COL12A1: variants seen among roughly 807,000 people sequenced by gnomAD.
COL12A1 encodes the protein collagen alpha-1(XII) chain.
In COL12A1, 114 loss-of-function variants were observed where a neutral mutation model predicts 349.7. The observed-to-expected ratio is 0.33, with a 90% CI of 0.28 to 0.38. The LOEUF (loss-of-function observed/expected upper bound fraction) is 0.38, where lower values mean the gene tolerates loss of function less well. Ranked by LOEUF, COL12A1 falls within the 10% of genes least tolerant of loss-of-function variation. The pLI is 1.00. For missense variants in COL12A1, 3,284 were observed against 3,756.9 expected (o/e 0.87, Z 3.29); for synonymous variants, 1,369 against 1,329.0 (o/e 1.03, Z -0.66).
chr6:75,193,845 C>T (rs1290352891), intron 3 of COL12A1, among the ~76,000 whole-genome samples: 1 of 151,726 alleles, frequency 6.6e-6, no homozygotes, highest in African/African-American at 2.4e-5. Context: ...TTTGTCTTTG[C>T]AACAGTTTGC....
chr6:75,131,984 G>T lies in COL12A1; in HGVS notation c.5893C>A (p.Arg1965Ser), dbSNP rs200487396. ...CCATCCACAGGAGAATACACAACGC[G>T]ATATTGCAGCACAGGTCCTGGAGCA... ...DPAPGPVLQY[R>S]VVYSPVDGTR... The change falls in exon 35 of 66, where the codon CGC becomes AGC. Residue 1965 changes from arginine (R) to serine (S), a missense_variant. Transcript: ENST00000322507. 1 of 1,614,114 alleles carries T rather than the reference G, an allele frequency of 6.2e-7. No homozygotes were observed. Among genetic ancestry groups the T allele is most frequent in the Non-Finnish European group, 8.5e-7 (1 of 1,179,994 alleles).
intron 55 of COL12A1, among the ~76,000 whole-genome samples, chr6:75,103,288 T>C (rs977813122): frequency 4.6e-5 from 7 of 152,226 alleles, no homozygotes; most frequent in African/African-American, 1.4e-4. Flanking sequence ...AATATTCCCC[T>C]GAGAAGCTTG....
intron 2 of COL12A1, among the ~76,000 whole-genome samples, chr6:75,202,153 C>A (rs1562334280): frequency 1.3e-5 from 2 of 152,242 alleles, no homozygotes; most frequent in African/African-American, 4.8e-5. Flanking sequence ...CGCTTGCCTG[C>A]CATCATCCCC....
In COL12A1 at chr6:75,113,602, G is replaced by A. The variant is rs772870762; in HGVS notation, c.7840C>T (p.Pro2614Ser). Residue 2614 changes from proline to serine, a missense_variant and splice_region_variant, in exon 50 of 66, where the codon CCT (proline) becomes TCT (serine). Pro to Ser is a moderately conservative substitution (Grantham distance 74). This residue lies in a region of COL12A1 where 683 missense variants were observed against 932.1 expected (regional missense o/e 0.73). Coordinates refer to ENST00000322507, the MANE Select transcript of COL12A1 (RefSeq NM_004370.6). ...TGTGCCTTAAGATAAAAATTCTTAC[G>A]ATCTGCAATCACTCCAACTTGTGGT... is the stretch of plus-strand genomic sequence containing the variant. Reference protein sequence around the residue: ...YKPQVGVIADPSSKTLSFFNK... With the variant: ...YKPQVGVIADSSSKTLSFFNK... The A allele has an allele frequency of 8.1e-6, 13 of 1,600,396 alleles. No individual in the cohort carries two copies. Among genetic ancestry groups the A allele is most frequent in the East Asian group, 2.2e-5 (1 of 44,716 alleles).
intron 27 of COL12A1, among the ~76,000 whole-genome samples, chr6:75,141,279 A>G (rs1766878824): frequency 6.6e-6 from 1 of 152,210 alleles, no homozygotes; most frequent in Non-Finnish European, 1.5e-5. Context: ...CTGGAGACAC[A>G]AAGTTGAGCA....
chr6:75,152,525 T>A (rs1364713882), intron 17 of COL12A1, 43 bp from the exon 18 acceptor site: 1 of 1,609,936 alleles, frequency 6.2e-7, no homozygotes, highest in Admixed American at 1.7e-5. Context: ...AAGCAAATTG[T>A]TGGCAAGGGT....
rs778135297 is a variant in COL12A1 at position 75,156,331 on chromosome 6, G to T, written c.3176C>A (p.Thr1059Asn). 2 of 1,613,758 alleles carry T rather than the reference G, an allele frequency of 1.2e-6. No homozygotes were observed. The highest frequency in any genetic ancestry group is 2.7e-5 in the African/African-American group (2 of 74,860). Residue 1059 changes from threonine to asparagine, a missense_variant, in exon 15 of 66, where the codon ACC becomes AAC. Around this residue, in one of 2 missense-constraint regions of COL12A1, gnomAD observed 2,601 missense variants for 2,824.8 expected, o/e 0.92. Coordinates refer to ENST00000322507, the MANE Select transcript of COL12A1 (RefSeq NM_004370.6). ...AGGAAGAACTGTGATGTCATATGTG[G>T]TCTGTGGCTGAAGTCGCTTTAACAC... is the stretch of plus-strand genomic sequence containing the variant. ...STVLKRLQPQTTYDITVLPIY... is the reference protein window; with the variant it reads ...STVLKRLQPQNTYDITVLPIY...
chr6:75,176,556 C>T (rs1408806363), intron 12 of COL12A1, among the ~76,000 whole-genome samples: 1 of 151,992 alleles, frequency 6.6e-6, no homozygotes, highest in Admixed American at 6.6e-5. Flanking sequence ...AAGGGTGATG[C>T]AGACCAAGAG....
chr6:75,154,362 T>C lies in COL12A1; in HGVS notation c.3565+54A>G, dbSNP rs932691901. On this transcript the variant is annotated intron_variant, in intron 17 of 65. Coordinates refer to ENST00000322507, the MANE Select transcript of COL12A1 (RefSeq NM_004370.6). The stretch of plus-strand genomic sequence containing the variant: ...TTGTATGATACCCTAACAGTTCACA[T>C]TTGAAATAGTTTCCTAAGTTGTTTT... 6.3e-6 allele frequency: 10 copies of C among 1,584,174 alleles called. No homozygotes were observed. The African/African-American group carries it at 1.4e-4, about 21-fold the overall frequency.
In COL12A1 at chr6:75,147,752, T is replaced by C. The variant is rs753218601; in HGVS notation, c.4340A>G (p.Glu1447Gly). 4 of 1,613,640 alleles carry C rather than the reference T, an allele frequency of 2.5e-6. No individual in the cohort carries two copies. The highest frequency in any genetic ancestry group is 1.7e-6 in the Non-Finnish European group (2 of 1,179,644). The change falls in exon 23 of 66, where the codon GAA becomes GGA. Residue 1447 changes from glutamate (E) to glycine (G), a missense_variant. By Grantham distance (98) the Glu-to-Gly change is moderately conservative. This residue lies in a region of COL12A1 where 2,601 missense variants were observed against 2,824.8 expected (regional missense o/e 0.92). Transcript: ENST00000322507. ...TSTVLKDLKP[E>G]TEYVVNVYSV... ...ATACACATTGACAACATATTCAGTT[T>C]CAGGTTTCAGATCTTTCAGCACTGT... is the stretch of plus-strand genomic sequence containing the variant.
intron 58 of COL12A1, 45 bp from the exon 59 acceptor site, chr6:75,097,351 A>C (rs749595244): frequency 1.3e-6 from 2 of 1,524,898 alleles, no homozygotes; most frequent in Middle Eastern, 1.7e-4. Flanking sequence ...GGTCATAAGC[A>C]AGTGAAAAGA....
At chr6:75,102,480 G>T in intron 56 of COL12A1, 117 bp downstream of exon 56, 1 of 696,210 alleles carries the variant, frequency 1.4e-6, no homozygotes, top group African/African-American at 1.9e-5. Flanking sequence ...CTATCTCGGT[G>T]ACTAACCTCG....
rs1769438919 is a variant in COL12A1 at position 75,183,493 on chromosome 6, T to C, written c.1448A>G (p.Gln483Arg). 1.9e-6 allele frequency: 3 copies of C among 1,614,074 alleles called. No homozygotes were observed. The highest frequency in any genetic ancestry group is 1.1e-5 in the South Asian group (1 of 91,090). The change falls in exon 10 of 66, where the codon CAA (glutamine) becomes CGA (arginine). Residue 483 changes from glutamine to arginine, a missense_variant. Around this residue, in one of 2 missense-constraint regions of COL12A1, gnomAD observed 2,601 missense variants for 2,824.8 expected, o/e 0.92. Transcript: ENST00000322507. ...CTCAGTATGAGGATCCCGGCTGTAT[T>C]GCACAAGACTAATCTGGACCCTATT... is the stretch of plus-strand genomic sequence containing the variant. ...SPNRVQISLVQYSRDPHTEFT... is the reference protein window; with the variant it reads ...SPNRVQISLVRYSRDPHTEFT...
At chr6:75,166,421 C>T (rs1768310122) in intron 13 of COL12A1, among the ~76,000 whole-genome samples, 1 of 152,102 alleles carries the variant, frequency 6.6e-6, no homozygotes, top group South Asian at 2.1e-4. Flanking sequence ...TGATTAGTCA[C>T]CAAAATAAAA....
At position 75,105,224 on chromosome 6, in the gene COL12A1, T is replaced by C. The variant is rs1388000570; in HGVS notation, c.8247A>G (p.Pro2749=). Residue 2749 remains proline (P), a synonymous_variant, in exon 54 of 66, where the codon CCA becomes CCG. Coordinates refer to ENST00000322507, the MANE Select transcript of COL12A1 (RefSeq NM_004370.6). The stretch of plus-strand genomic sequence containing the variant: ...TCCTTACTGCAGGGCCTGGAGGTCC[T>C]GGAGGTCCAACGCTGTCCTGTGTAC... The part of the protein sequence containing the change: ...CTCTQDSVGP[P]GPPGPAGGPG... 1 of 1,613,644 alleles carries C rather than the reference T, an allele frequency of 6.2e-7. No individual in the cohort carries two copies. The highest frequency in any genetic ancestry group is 1.7e-5 in the Admixed American group (1 of 59,968).
At chr6:75,150,453 A>C (rs924260143) in intron 21 of COL12A1, among the ~76,000 whole-genome samples, 3 of 152,140 alleles carry the variant, frequency 2.0e-5, no homozygotes, top group Admixed American at 2.0e-4. Flanking sequence ...CAGTTTCTTC[A>C]CTGGTAAAAA....
intron 10 of COL12A1, among the ~76,000 whole-genome samples, chr6:75,182,095 CA>C (rs66532054): frequency 0.77 from 79,441 of 103,000 alleles, 28,992 homozygotes; most frequent in Non-Finnish European, 0.81. Flanking sequence ...GACCCTGTCT[CA>C]AAAAAAAAAA....
intron 16 of COL12A1, among the ~76,000 whole-genome samples, chr6:75,155,133 C>T (rs1767687481): frequency 6.6e-6 from 1 of 152,072 alleles, no homozygotes; most frequent in Non-Finnish European, 1.5e-5. Context: ...CTGAAACTTC[C>T]TTGTTTTTCA....
chr6:75,104,490 T>C (rs1349172955), intron 54 of COL12A1, among the ~76,000 whole-genome samples: 1 of 152,180 alleles, frequency 6.6e-6, no homozygotes, highest in African/African-American at 2.4e-5. Flanking sequence ...GTTCTGTGAA[T>C]CCCTGAGCTC....
Sources: allele counts gnomAD v4.1 joint callset (sites outside exome capture counted in the v4.1 genomes callset), GRCh38; gene constraint gnomAD v4.1.1; regional missense constraint gnomAD v4.1.1; transcripts MANE v1.5; gene names NCBI Gene and HGNC (gene_info 2026-07-23, HGNC 2026-07-21).